The following ETV6 variants were observed in gnomAD, a reference collection of about 807,000 sequenced individuals.
ETV6 encodes ETS variant transcription factor 6, also known as transcription factor ETV6.
A neutral mutation model predicts 51.1 loss-of-function variants in ETV6; 16 were observed. The ratio of observed to expected loss-of-function variants is 0.31; its 90% CI spans 0.21 to 0.48. The LOEUF is 0.48. Ranked by LOEUF, ETV6 falls within the 20% of genes least tolerant of loss-of-function variation. The pLI is 0.99. For missense variants in ETV6, 458 were observed against 594.8 expected (o/e 0.77, Z 2.39); for synonymous variants, 240 against 224.1 (o/e 1.07, Z -0.64).
At chr12:11,888,653 T>C (rs1947241721) in intron 7 of ETV6, among the ~76,000 whole-genome samples, 2 of 152,186 alleles carry the variant, frequency 1.3e-5, no homozygotes, top group African/African-American at 2.4e-5. Context: ...TCTGCCCACC[T>C]TGGCCTCCCA....
chr12:11,801,557 C>T (rs745489483), intron 2 of ETV6, among the ~76,000 whole-genome samples: 3 of 152,214 alleles, frequency 2.0e-5, no homozygotes, highest in Non-Finnish European at 4.4e-5. Context: ...AACACAGTCA[C>T]GCAGGCATTT....
At chr12:11,878,907 C>G (rs1947041419) in intron 5 of ETV6, among the ~76,000 whole-genome samples, 1 of 151,088 alleles carries the variant, frequency 6.6e-6, no homozygotes, top group African/African-American at 2.4e-5. Context: ...TCTCAACACT[C>G]TCGATATTTG....
At position 11,734,509 on chromosome 12, in the gene ETV6, A is replaced by G. The variant is rs373461460; in HGVS notation, c.34-17941A>G. ...GTGGTCCCAGCTACCTGGGGGGCTG[A>G]GATGAGCAAAAAAAAAAAAGAAAAA... On this transcript the variant is annotated intron_variant, in intron 1 of 7. Coordinates refer to ENST00000396373, the MANE Select transcript of ETV6 (RefSeq NM_001987.5). 6.2e-5 allele frequency among the ~76,000 whole-genome samples: 9 copies of G among 146,262 alleles called. No homozygotes were observed. The South Asian group carries it at 2.0e-3, about 32-fold the overall frequency.
intron 6 of ETV6, 83 bp from the exon 7 acceptor site, chr12:11,885,843 A>T (rs1591750443): frequency 1.0e-6 from 1 of 988,448 alleles, no homozygotes; most frequent in Non-Finnish European, 1.6e-6. Flanking sequence ...CTTTTATTTT[A>T]ATAGCTCCCG....
In ETV6 at chr12:11,869,929, C is replaced by A. The variant is rs1437750700; in HGVS notation, c.969C>A (p.Ser323=). Residue 323 remains serine, a synonymous_variant, in exon 5 of 8, where the codon TCC becomes TCA. Transcript: ENST00000396373. This position sits in a 1 kb window ranked among gnomAD's most constrained non-coding sequence, Gnocchi z 5.0. The part of the protein sequence containing the change: ...AYMNHIMVSV[S]PPEEHAMPIG... Reference sequence around the variant, plus strand: ...TGAACCACATCATGGTCTCTGTCTCCCCGCCTGAAGAGCACGCCATGCCCA... The same window carrying A: ...TGAACCACATCATGGTCTCTGTCTCACCGCCTGAAGAGCACGCCATGCCCA... 2 of 1,610,376 alleles carry A rather than the reference C, an allele frequency of 1.2e-6. No homozygotes were observed. The highest frequency in any genetic ancestry group is 3.3e-5 in the Admixed American group (2 of 60,010).
chr12:11,844,524 T>G (rs940571683), intron 3 of ETV6, among the ~76,000 whole-genome samples: 9 of 152,210 alleles, frequency 5.9e-5, no homozygotes, highest in African/African-American at 1.9e-4. Context: ...AAAATACTGG[T>G]CTTTACATAG....
At chr12:11,709,915 C>CTG (rs1476187670) in intron 1 of ETV6, among the ~76,000 whole-genome samples, 1 of 152,112 alleles carries the variant, frequency 6.6e-6, no homozygotes, top group African/African-American at 2.4e-5. Flanking sequence ...AAATAAATAT[C>CTG]TGTGTGTGTG....
chr12:11,750,813 T>TG, intron 1 of ETV6: 1 of 453,552 alleles, frequency 2.2e-6, no homozygotes, highest in Non-Finnish European at 4.2e-6. Context: ...TTTTTTTTTT[T>TG]TTTTGCTTTT....
chr12:11,663,735 GTGGTGTTTATATGT>G (rs1420106984), intron 1 of ETV6, among the ~76,000 whole-genome samples: 1 of 146,600 alleles, frequency 6.8e-6, no homozygotes, highest in African/African-American at 2.6e-5. Flanking sequence ...TAGTTTGCCT[GTGGTGTTTATATGT>G]TGGTAGGTTG....
Position 11,859,118 on chromosome 12 carries a change from G to GCTTTTTTTTTT in ETV6, c.463+5557_463+5558insCTTTTTTTTTT, listed in dbSNP as rs1565555150. ...TAAAGAAGATGAGGTATATGAATCT[G>GCTTTTTTTTTT]GTTTTTTTTTTTTTTTTTTTTTTTT... On this transcript the variant is annotated intron_variant, in intron 4 of 7. Transcript: ENST00000396373. Among the ~76,000 whole-genome samples the GCTTTTTTTTTT allele has an allele frequency of 3.8e-3, 158 of 41,800 alleles. 75 individuals carry two copies. Among genetic ancestry groups the GCTTTTTTTTTT allele is most frequent in the African/African-American group, 7.8e-3 (112 of 14,398 alleles). 27.4% of individuals were successfully genotyped at this position (41,800 alleles called of 152,430 possible).
chr12:11,806,144 G>A (rs984935003), intron 2 of ETV6, among the ~76,000 whole-genome samples: 3 of 152,190 alleles, frequency 2.0e-5, no homozygotes, highest in African/African-American at 7.2e-5. Context: ...AGCTTATGGG[G>A]CCCAATTCTA....
intron 1 of ETV6, among the ~76,000 whole-genome samples, chr12:11,674,038 C>G (rs1864368179): frequency 6.6e-6 from 1 of 152,176 alleles, no homozygotes; most frequent in Non-Finnish European, 1.5e-5. Context: ...CCACCTTTCT[C>G]TAAAAGGTAC....
In ETV6 at chr12:11,824,635, C is replaced by T. The variant is rs535342502; in HGVS notation, c.164-14505C>T. Among the ~76,000 whole-genome samples the T allele has an allele frequency of 7.9e-5, 12 of 152,262 alleles. No homozygotes were observed. The East Asian group carries it at 1.2e-3, about 15-fold the overall frequency. On this transcript the variant is annotated intron_variant, in intron 2 of 7. Transcript: ENST00000396373. ...CTCTACTAAAAAGACAAAAATTAGC[C>T]GGGCGTGGTGATGCATGCCTGTAAT...
intron 2 of ETV6, among the ~76,000 whole-genome samples, chr12:11,792,764 A>C (rs2136389779): frequency 6.6e-6 from 1 of 152,302 alleles, no homozygotes; most frequent in East Asian, 1.9e-4. Flanking sequence ...CATCTACTGT[A>C]AAACCAAACA....
At chr12:11,859,119 G>GTTTTT (rs71057773) in intron 4 of ETV6, among the ~76,000 whole-genome samples, 1 of 66,096 alleles carries the variant, frequency 1.5e-5, no homozygotes, top group African/African-American at 6.2e-5. Flanking sequence ...TATGAATCTG[G>GTTTTT]TTTTTTTTTT....
At chr12:11,882,560 T>G (rs1484896360) in intron 5 of ETV6, among the ~76,000 whole-genome samples, 1 of 152,216 alleles carries the variant, frequency 6.6e-6, no homozygotes, top group East Asian at 1.9e-4. Flanking sequence ...AAGGGTCAGA[T>G]GTAACCAGGC....
intron 1 of ETV6, among the ~76,000 whole-genome samples, chr12:11,678,302 C>T (rs1257899675): frequency 2.0e-5 from 3 of 152,122 alleles, no homozygotes; most frequent in Non-Finnish European, 4.4e-5. Flanking sequence ...GATCAACTGC[C>T]CGAGGTAAAG....
chr12:11,653,149 G>C (rs1863938356), intron 1 of ETV6, among the ~76,000 whole-genome samples: 2 of 152,182 alleles, frequency 1.3e-5, no homozygotes, highest in East Asian at 1.9e-4. Flanking sequence ...TGGAAGGAAA[G>C]GATCAACTCT....
chr12:11,735,979 G>A (rs183158917), intron 1 of ETV6, among the ~76,000 whole-genome samples: 115 of 152,252 alleles, frequency 7.6e-4, no homozygotes, highest in African/African-American at 2.3e-3. Context: ...TTTAAATGTC[G>A]CCCTTATTTT....
Sources: gnomAD v4.1 joint callset for allele counts (sites outside exome capture counted in the v4.1 genomes callset) on GRCh38, gnomAD v4.1.1 for gene constraint, Gnocchi (gnomAD v3.1) non-coding constraint, MANE v1.5 for transcripts, NCBI Gene and HGNC (gene_info 2026-07-23, HGNC 2026-07-21) for gene names.